Variants in ITGAL observed in about 807,000 individuals in gnomAD.
ITGAL encodes integrin subunit alpha L.
A neutral mutation model predicts 138.4 loss-of-function variants in ITGAL; 68 were observed. That is an observed-to-expected ratio of 0.49 (90% CI 0.40 to 0.60). The LOEUF (loss-of-function observed/expected upper bound fraction) is 0.60. Among genes scored for constraint, ITGAL ranks in the 20% least tolerant of loss-of-function variants. The probability of loss-of-function intolerance (pLI) is 0.00; values close to 1 mark genes in which losing one functional copy is unlikely to be tolerated. For synonymous variants in ITGAL, 561 were observed against 584.3 expected (o/e 0.96, Z 0.57); for missense variants, 1,256 against 1,478.6 (o/e 0.85, Z 2.47).
chr16:30,489,438 T>C (rs370438359), intron 11 of ITGAL, 52 bp downstream of exon 11: 210 of 1,590,222 alleles, frequency 1.3e-4, no homozygotes, highest in Non-Finnish European at 1.7e-4. Context: ...GGTCAGATGG[T>C]CGCTCAGCCT....
Position 30,517,658 on chromosome 16 carries a change from G to T in ITGAL, c.2986G>T (p.Val996Leu), listed in dbSNP as rs372886251. Residue 996 changes from valine to leucine, a missense_variant, in exon 27 of 31, where the codon GTG (valine) becomes TTG (leucine). This residue lies in a region of ITGAL where 867 missense variants were observed against 972.5 expected (regional missense o/e 0.89). Coordinates refer to ENST00000356798, the MANE Select transcript of ITGAL (RefSeq NM_002209.3). ...TGCCGCTTGTTCCTAGGAGCCTCCC[G>T]TGCCCTGCCACTATGAGGATCTGGA... ...HQWSVQMEPP[V>L]PCHYEDLERL... 1 of 1,613,888 alleles carries T rather than the reference G, an allele frequency of 6.2e-7. No individual in the cohort carries two copies. The highest frequency in any genetic ancestry group is 8.5e-7 in the Non-Finnish European group (1 of 1,179,782).
intron 25 of ITGAL, among the ~76,000 whole-genome samples, chr16:30,514,277 ATTT>A (rs1390944511): frequency 1.4e-5 from 2 of 141,338 alleles, no homozygotes; most frequent in Non-Finnish European, 1.6e-5. Flanking sequence ...TGCCCAGCTA[ATTT>A]TTTTTTTTTT....
chr16:30,476,612 C>T (rs1316936433), intron 4 of ITGAL, among the ~76,000 whole-genome samples: 1 of 150,466 alleles, frequency 6.6e-6, no homozygotes, highest in Admixed American at 6.6e-5. Flanking sequence ...TACACAAATG[C>T]CTAAAGTTTA....
chr16:30,508,462 C>T (rs2051039385), intron 21 of ITGAL, among the ~76,000 whole-genome samples: 1 of 152,134 alleles, frequency 6.6e-6, no homozygotes, highest in African/African-American at 2.4e-5. Context: ...ATCTACCCGC[C>T]TTGGCCTCCC....
intron 15 of ITGAL, among the ~76,000 whole-genome samples, chr16:30,498,575 G>A (rs996122049): frequency 2.0e-5 from 3 of 152,170 alleles, no homozygotes; most frequent in African/African-American, 7.2e-5. Context: ...GTCAGAGGCT[G>A]CTAGAATGAA....
intron 18 of ITGAL, among the ~76,000 whole-genome samples, chr16:30,504,649 A>G (rs575461016): frequency 6.6e-6 from 1 of 151,302 alleles, no homozygotes; most frequent in Non-Finnish European, 1.5e-5. Context: ...GCAGTGAGCT[A>G]TTGAGCTATG....
chr16:30,496,808 ATTTTTT>A (rs11432747), intron 15 of ITGAL, among the ~76,000 whole-genome samples: 2 of 137,844 alleles, frequency 1.5e-5, no homozygotes, highest in Admixed American at 1.5e-4. Flanking sequence ...CACCTGGCTA[ATTTTTT>A]TTTTTTTTTT....
intron 29 of ITGAL, 94 bp from the exon 30 acceptor site, chr16:30,519,763 C>A (rs2051223635): frequency 1.2e-6 from 1 of 811,462 alleles, no homozygotes; most frequent in Non-Finnish European, 2.2e-6. Context: ...GTGATGCAGT[C>A]CGGATAGGAG....
chr16:30,513,319 G>A lies in ITGAL; in HGVS notation c.2787-452G>A, dbSNP rs912492429. 2.6e-5 allele frequency among the ~76,000 whole-genome samples: 4 copies of A among 152,172 alleles called. No homozygotes were observed. In the South Asian group the frequency reaches 8.3e-4, roughly 32 times the overall value. On this transcript the variant is annotated intron_variant, in intron 24 of 30. Coordinates refer to ENST00000356798, the MANE Select transcript of ITGAL (RefSeq NM_002209.3). The stretch of plus-strand genomic sequence containing the variant: ...AGACTGCCTGGACATGGGAGGCTTT[G>A]GACCTGACCCTCCCTCGCAGTAGGG...
rs2230433 is a variant in ITGAL, at chr16:30,506,720, G to C, written c.2372G>C (p.Arg791Thr). ...LRVSFSPARS[R>T]ALRLTAFASL... ...TCCCTGATCATCCCCCACAGATCCA[G>C]AGCCCTGCGTCTAACTGCTTTTGCC... The change falls in exon 21 of 31, where the codon AGA (arginine) becomes ACA (threonine). Residue 791 changes from arginine (R) to threonine (T), a missense_variant. By Grantham distance (71) the Arg-to-Thr change is moderately conservative. Around this residue, in one of 3 missense-constraint regions of ITGAL, gnomAD observed 867 missense variants for 972.5 expected, o/e 0.89. Transcript: ENST00000356798. 500,432 of 1,611,008 alleles carry C rather than the reference G, an allele frequency of 0.31. 86,195 individuals carry two copies. The highest frequency in any genetic ancestry group is 0.65 in the South Asian group (59,314 of 90,970).
chr16:30,503,171 T>C (rs988553118), intron 17 of ITGAL, among the ~76,000 whole-genome samples: 3 of 152,078 alleles, frequency 2.0e-5, no homozygotes, highest in Non-Finnish European at 4.4e-5. Context: ...AAAAAAATAG[T>C]TTAATGAATC....
rs776811960 is a variant in ITGAL, at chr16:30,518,612, C to G, written c.3133-12C>G. 1 of 1,602,594 alleles carries G rather than the reference C, an allele frequency of 6.2e-7. No individual in the cohort carries two copies. ...TTCTCCCGGGTTCTGACGCCTTTCC[C>G]CGCTCCCACAGGCCTCTTCCATGTT... On this transcript the variant is annotated splice_polypyrimidine_tract_variant and intron_variant, in intron 28 of 30. Transcript: ENST00000356798.
chr16:30,507,028 G>A (rs2051011652), intron 21 of ITGAL, among the ~76,000 whole-genome samples, 172 bp downstream of exon 21: 1 of 152,160 alleles, frequency 6.6e-6, no homozygotes, highest in African/African-American at 2.4e-5. Context: ...GAGGTACCAG[G>A]TTTACCCTCT....
At chr16:30,515,632 C>G (rs570592304) in intron 25 of ITGAL, among the ~76,000 whole-genome samples, 1 of 152,296 alleles carries the variant, frequency 6.6e-6, no homozygotes, top group Admixed American at 6.5e-5. Context: ...CCTGGCTCCC[C>G]ACATGTCTCT....
chr16:30,489,281 G>T lies in ITGAL; in HGVS notation c.1108G>T (p.Ala370Ser). The T allele has an allele frequency of 6.2e-7, 1 of 1,613,920 alleles. No individual in the cohort carries two copies. The highest frequency in any genetic ancestry group is 2.2e-5 in the East Asian group (1 of 44,886). ...RGHAVVGAVG[A>S]KDWAGGFLDL... ...CCATGCAGTCGTGGGGGCAGTAGGA[G>T]CCAAGGACTGGGCTGGGGGCTTTCT... Residue 370 changes from alanine to serine, a missense_variant, in exon 11 of 31, where the codon GCC (alanine) becomes TCC (serine). Transcript: ENST00000356798.
intron 11 of ITGAL, among the ~76,000 whole-genome samples, chr16:30,493,251 A>AT (rs201116924): frequency 3.1e-5 from 4 of 130,114 alleles, no homozygotes; most frequent in South Asian, 7.0e-4. Flanking sequence ...ATACCATTTT[A>AT]TTTTATTTTA....
intron 9 of ITGAL, 81 bp from the exon 10 acceptor site, chr16:30,489,001 C>T (rs1280546246): frequency 1.1e-5 from 13 of 1,210,146 alleles, no homozygotes; most frequent in Non-Finnish European, 1.6e-5. Context: ...AAATACCTCA[C>T]TTCTTCCCCG....
At chr16:30,484,811 CAG>C (rs2050616116) in intron 9 of ITGAL, among the ~76,000 whole-genome samples, 1 of 151,984 alleles carries the variant, frequency 6.6e-6, no homozygotes, top group South Asian at 2.1e-4. Context: ...CCCAGCTACT[CAG>C]GGGGCTGAGG....
chr16:30,510,807 G>A (rs998824275), intron 22 of ITGAL, 74 bp from the exon 23 acceptor site: 3 of 1,161,462 alleles, frequency 2.6e-6, no homozygotes, highest in Admixed American at 3.4e-5. Context: ...TGAGATGATG[G>A]TGATTAGATG....
Sources: gnomAD v4.1 joint callset for allele counts (sites outside exome capture counted in the v4.1 genomes callset) on GRCh38, gnomAD v4.1.1 for gene constraint, gnomAD v4.1.1 regional missense constraint, MANE v1.5 for transcripts, NCBI Gene and HGNC (gene_info 2026-07-23, HGNC 2026-07-21) for gene names.